PUM1: variants seen among roughly 807,000 people sequenced by gnomAD.
PUM1 encodes the protein pumilio RNA binding family member 1, also known as pumilio homolog 1.
A neutral mutation model predicts 131.8 loss-of-function variants in PUM1; 13 were observed. The observed-to-expected ratio is 0.10, with a 90% CI of 0.06 to 0.16. The LOEUF is 0.16. PUM1 is among the 10% of genes least tolerant of loss of function. The probability of loss-of-function intolerance (pLI) is 1.00; values close to 1 mark genes in which losing one functional copy is unlikely to be tolerated. For synonymous variants in PUM1, 509 were observed against 556.5 expected (o/e 0.91, Z 1.20); for missense variants, 961 against 1,512.4 (o/e 0.64, Z 6.05).
intron 2 of PUM1, among the ~76,000 whole-genome samples, chr1:31,058,913 T>C (rs950588767): frequency 2.0e-5 from 3 of 151,974 alleles, no homozygotes; most frequent in Admixed American, 2.0e-4. Flanking sequence ...GCAGCTGCAG[T>C]GAGCCGAGAT....
intron 2 of PUM1, among the ~76,000 whole-genome samples, chr1:31,047,174 T>C (rs541087284): frequency 2.4e-4 from 36 of 152,062 alleles, no homozygotes; most frequent in Admixed American, 1.3e-3. Flanking sequence ...AGGCGACAGA[T>C]AGAGACCCAA....
intron 3 of PUM1, among the ~76,000 whole-genome samples, chr1:31,010,499 G>A (rs1169849551): frequency 6.6e-6 from 1 of 152,136 alleles, no homozygotes; most frequent in Non-Finnish European, 1.5e-5. Flanking sequence ...TATGTTGTGA[G>A]CTGCCCTATA....
chr1:31,045,096 C>A (rs966986614), intron 2 of PUM1, among the ~76,000 whole-genome samples: 6 of 151,582 alleles, frequency 4.0e-5, no homozygotes, highest in Admixed American at 2.0e-4. Flanking sequence ...CCGTGCCCAG[C>A]TGGAATTATA....
At chr1:31,025,847 C>T (rs767904328) in intron 3 of PUM1, among the ~76,000 whole-genome samples, 10 of 152,210 alleles carry the variant, frequency 6.6e-5, no homozygotes, top group Middle Eastern at 3.4e-3. Flanking sequence ...TGAGCCACCA[C>T]GCCCGGCCAG....
Position 30,954,614 on chromosome 1 carries a change from C to G in PUM1, c.2324-633G>C, listed in dbSNP as rs149487232. 7.6e-4 allele frequency among the ~76,000 whole-genome samples: 116 copies of G among 152,266 alleles called. 1 individual carries two copies. The highest frequency in any genetic ancestry group is 2.6e-3 in the African/African-American group (110 of 41,554). On this transcript the variant is annotated intron_variant, in intron 14 of 21. Transcript: ENST00000426105. ...ATGAAAAATTTTCGAGTTTTCATTA[C>G]AAATGGACAGCTCTTAACAATTTCT...
chr1:30,950,026 A>T (rs1639862060), intron 17 of PUM1, 101 bp downstream of exon 17: 1 of 1,382,602 alleles, frequency 7.2e-7, no homozygotes, highest in Admixed American at 2.3e-5. Context: ...AACAATGCAA[A>T]ACCATAAAAG....
At chr1:30,948,198 T>C (rs976884185) in intron 17 of PUM1, among the ~76,000 whole-genome samples, 1 of 152,142 alleles carries the variant, frequency 6.6e-6, no homozygotes, top group African/African-American at 2.4e-5. Context: ...TGATGGGAAT[T>C]GTGGGAATAA....
intron 2 of PUM1, among the ~76,000 whole-genome samples, chr1:31,038,615 T>C (rs1311840744): frequency 6.6e-6 from 1 of 152,108 alleles, no homozygotes; most frequent in Non-Finnish European, 1.5e-5. Context: ...GTCATACAAG[T>C]GGTGAAATAG....
At chr1:31,003,727 A>C (rs538481985) in intron 5 of PUM1, among the ~76,000 whole-genome samples, 1 of 152,304 alleles carries the variant, frequency 6.6e-6, no homozygotes, top group South Asian at 2.1e-4. Flanking sequence ...ATTGCACTCC[A>C]GTCTGGGCGA....
intron 6 of PUM1, among the ~76,000 whole-genome samples, chr1:30,993,629 C>T (rs1344421327): frequency 6.6e-6 from 1 of 152,136 alleles, no homozygotes; most frequent in Admixed American, 6.6e-5. Context: ...CTCACTCACA[C>T]ACTCACCACC....
Position 31,059,351 on chromosome 1 carries a change from T to A in PUM1, c.216A>T (p.Ala72=). The change falls in exon 2 of 22, where the codon GCA becomes GCT. Residue 72 remains alanine, a synonymous_variant. Coordinates refer to ENST00000426105, the MANE Select transcript of PUM1 (RefSeq NM_001020658.2). ...CCATAGCGTCGTCCTGGGAACGGCC[T>A]GCAACTCCTATAGATCCTGGGACAG... The part of the protein sequence containing the change: ...SSPVPGSIGV[A]GRSQDDAMVD... 1 of 1,614,188 alleles carries A rather than the reference T, an allele frequency of 6.2e-7. No individual in the cohort carries two copies. Among genetic ancestry groups the A allele is most frequent in the Non-Finnish European group, 8.5e-7 (1 of 1,180,038 alleles).
chr1:30,967,268 C>A lies in PUM1; in HGVS notation c.1688G>T (p.Gly563Val). Residue 563 changes from glycine (G) to valine (V), a missense_variant, in exon 12 of 22, where the codon GGT (glycine) becomes GTT (valine). By Grantham distance (109) the Gly-to-Val change is moderately radical. Around this residue, in one of 4 missense-constraint regions of PUM1, gnomAD observed 654 missense variants for 923.9 expected, o/e 0.71. Transcript: ENST00000426105. Reference sequence around the variant, plus strand: ...CGCGCCTGCATTCACTACAAGGGCACCAGTTTGGTCATAGTAAGCAGCAGG... The same window carrying A: ...CGCGCCTGCATTCACTACAAGGGCAACAGTTTGGTCATAGTAAGCAGCAGG... ...LAPAAYYDQTGALVVNAGARN... is the reference protein window; with the variant it reads ...LAPAAYYDQTVALVVNAGARN... The A allele has an allele frequency of 6.2e-7, 1 of 1,613,966 alleles. No individual in the cohort carries two copies. The highest frequency in any genetic ancestry group is 8.5e-7 in the Non-Finnish European group (1 of 1,179,898).
At chr1:31,057,815 A>G (rs2123999443) in intron 2 of PUM1, among the ~76,000 whole-genome samples, 1 of 151,744 alleles carries the variant, frequency 6.6e-6, no homozygotes, top group African/African-American at 2.4e-5. Flanking sequence ...GTATGTTTGT[A>G]CCTGATTTTT....
Position 30,932,900 on chromosome 1 carries a change from A to G in PUM1, c.*311T>C. 1 of 173,134 alleles carries G rather than the reference A, an allele frequency of 5.8e-6. No homozygotes were observed. The highest frequency in any genetic ancestry group is 1.2e-5 in the Non-Finnish European group (1 of 82,946). 10.7% of individuals were successfully genotyped at this position (173,134 alleles called of 1,614,324 possible). A position where few individuals can be genotyped will look rare whatever the true frequency, so the allele number is the denominator to read the frequency against. On this transcript the variant is annotated 3_prime_UTR_variant, in exon 22 of 22. Coordinates refer to ENST00000426105, the MANE Select transcript of PUM1 (RefSeq NM_001020658.2). ...CTGAAAGTTTCCACATGTGAAATAT[A>G]GATACAACAGTGAACAAAATATGTG...
chr1:31,058,478 G>C (rs1456773551), intron 2 of PUM1, among the ~76,000 whole-genome samples: 2 of 151,400 alleles, frequency 1.3e-5, no homozygotes, highest in African/African-American at 4.9e-5. Flanking sequence ...GGCTAACACA[G>C]TGAAACCCCG....
chr1:31,024,506 G>A (rs1255386441), intron 3 of PUM1, among the ~76,000 whole-genome samples: 1 of 152,126 alleles, frequency 6.6e-6, no homozygotes, highest in Non-Finnish European at 1.5e-5. Context: ...ATAATCAAGG[G>A]TATGTTTTTC....
chr1:31,033,206 A>ATT (rs1392835285), intron 2 of PUM1, among the ~76,000 whole-genome samples: 1 of 151,024 alleles, frequency 6.6e-6, no homozygotes, highest in Non-Finnish European at 1.5e-5. Context: ...GACCTTACTG[A>ATT]TTTTTCCTTT....
At chr1:30,988,722 C>T (rs937701029) in intron 7 of PUM1, among the ~76,000 whole-genome samples, 2 of 152,192 alleles carry the variant, frequency 1.3e-5, no homozygotes, top group African/African-American at 4.8e-5. Context: ...CTTGTACACT[C>T]GTCTTCTACT....
chr1:30,932,297 C>A lies in PUM1; in HGVS notation c.*914G>T, dbSNP rs532131322. 3 of 152,626 alleles carry A rather than the reference C, an allele frequency of 2.0e-5. No individual in the cohort carries two copies. The East Asian group carries it at 5.8e-4, about 29-fold the overall frequency. The allele number at this position is 152,626 out of a possible 1,614,324, so 9.5% of individuals were successfully genotyped here. A position where few individuals can be genotyped will look rare whatever the true frequency, so the allele number is the denominator to read the frequency against. On this transcript the variant is annotated 3_prime_UTR_variant, in exon 22 of 22. Transcript: ENST00000426105. ...CGACTACTAGGGTACATTATAGATA[C>A]AGATTAGACATCAAAACAAGAAAAT... is the stretch of plus-strand genomic sequence containing the variant.
Sources: gnomAD v4.1 joint callset for allele counts (sites outside exome capture counted in the v4.1 genomes callset) on GRCh38, gnomAD v4.1.1 for gene constraint, gnomAD v4.1.1 regional missense constraint, MANE v1.5 for transcripts, NCBI Gene and HGNC (gene_info 2026-07-23, HGNC 2026-07-21) for gene names.